Variants in WRN observed in about 807,000 individuals in gnomAD.
WRN encodes the protein bifunctional 3'-5' exonuclease/ATP-dependent helicase WRN.
A neutral mutation model predicts 180.7 loss-of-function variants in WRN; 149 were observed. That is an observed-to-expected ratio of 0.82 (90% confidence interval 0.72 to 0.94). The LOEUF is 0.94. Ranked by LOEUF, WRN falls within the 40% of genes least tolerant of loss-of-function variation. The pLI is 0.00. For missense variants in WRN, 1,661 were observed against 1,700.1 expected (o/e 0.98, Z 0.40); for synonymous variants, 548 against 568.9 (o/e 0.96, Z 0.52).
At chr8:31,090,305 C>G (rs888318122) in intron 13 of WRN, among the ~76,000 whole-genome samples, 160 bp from the exon 14 acceptor site, 4 of 151,104 alleles carry the variant, frequency 2.6e-5, no homozygotes, top group African/African-American at 9.7e-5. Flanking sequence ...GGACATTGGT[C>G]AAATGGCATT....
Position 31,091,907 on chromosome 8 carries a change from T to A in WRN, c.1898+9T>A, listed in dbSNP as rs768918831. ...CTAACAGATATTAAATTGTGAGTAA[T>A]TTTTTTCCCTCAACTTTTATTTTGG... On this transcript the variant is annotated intron_variant, in intron 16 of 34. Transcript: ENST00000298139. 2.5e-6 allele frequency: 4 copies of A among 1,611,024 alleles called. No individual in the cohort carries two copies. In the South Asian group the frequency reaches 4.4e-5, roughly 18 times the overall value.
In WRN at chr8:31,102,987, G is replaced by A. The variant is rs138336665; in HGVS notation, c.2088+2032G>A. Among the ~76,000 whole-genome samples, 4 of 151,880 alleles carry A rather than the reference G, an allele frequency of 2.6e-5. No homozygotes were observed. The East Asian group carries it at 7.7e-4, about 29-fold the overall frequency. ...CTTCCTTGATTAATGCATTCCATAA[G>A]GCTTTATTTTAAAATTTTATTATTT... On this transcript the variant is annotated intron_variant, in intron 18 of 34. Transcript: ENST00000298139.
At chr8:31,097,633 G>T (rs1814043056) in intron 17 of WRN, among the ~76,000 whole-genome samples, 1 of 151,952 alleles carries the variant, frequency 6.6e-6, no homozygotes, top group Non-Finnish European at 1.5e-5. Context: ...TAAAAAATTG[G>T]CCGAGCCTGG....
At chr8:31,138,900 A>G (rs6990131) in intron 24 of WRN, among the ~76,000 whole-genome samples, 78,490 of 151,960 alleles carry the variant, frequency 0.52, 20,864 homozygotes, top group South Asian at 0.69. Flanking sequence ...ATTTCATCCT[A>G]GCTTCCTTTT....
At chr8:31,149,134 C>G (rs879405945) in intron 30 of WRN, among the ~76,000 whole-genome samples, 50 of 152,238 alleles carry the variant, frequency 3.3e-4, no homozygotes, top group Middle Eastern at 3.4e-3. Context: ...CTGTGGCTCA[C>G]GCTTGTAAAT....
chr8:31,173,032 G>T lies in WRN; in HGVS notation c.4229G>T (p.Trp1410Leu), dbSNP rs780718250. The T allele has an allele frequency of 3.7e-6, 6 of 1,613,926 alleles. No homozygotes were observed. The Admixed American group carries it at 6.7e-5, about 18-fold the overall frequency. Residue 1410 changes from tryptophan to leucine, a missense_variant, in exon 35 of 35, where the codon TGG becomes TTG. By Grantham distance (61) the Trp-to-Leu change is moderately conservative (BLOSUM62 -2). Around this residue, in one of 3 missense-constraint regions of WRN, gnomAD observed 1,141 missense variants for 1,149.4 expected, o/e 0.99. Transcript: ENST00000298139. ...GAGAGAAAGAGACGATTACCTGTGT[G>T]GTTTGCCAAAGGAAGTGATACCAGC... ...SAERKRRLPV[W>L]FAKGSDTSKK...
rs1803284164 is a variant in WRN, at chr8:31,154,365, A to G, written c.3688-259A>G. 2.6e-5 allele frequency among the ~76,000 whole-genome samples: 4 copies of G among 152,052 alleles called. No homozygotes were observed. In the South Asian group the frequency reaches 8.3e-4, roughly 32 times the overall value. On this transcript the variant is annotated intron_variant, in intron 31 of 34. Transcript: ENST00000298139. ...ATAGTTCCTTTTTTTAGTCCTTCTT[A>G]TTCGTTAAAGAAAAGACTAGGAAAT...
chr8:31,120,843 C>T (rs888170059), intron 21 of WRN, among the ~76,000 whole-genome samples: 1 of 152,006 alleles, frequency 6.6e-6, no homozygotes, highest in African/African-American at 2.4e-5. Flanking sequence ...TCTTCCCATG[C>T]TACAGTGGTG....
At chr8:31,062,745 CAG>C (rs918123891) in intron 3 of WRN, among the ~76,000 whole-genome samples, 2 of 152,082 alleles carry the variant, frequency 1.3e-5, no homozygotes, top group African/African-American at 4.8e-5. Context: ...AGAAATGAAA[CAG>C]TAAAATACAG....
At chr8:31,139,669 T>G (rs1802530299) in intron 24 of WRN, among the ~76,000 whole-genome samples, 1 of 152,236 alleles carries the variant, frequency 6.6e-6, no homozygotes, top group Admixed American at 6.5e-5. Context: ...TGCCTGTTGA[T>G]ACTTACGAAG....
At chr8:31,097,004 A>G (rs1435149964) in intron 17 of WRN, among the ~76,000 whole-genome samples, 154 bp downstream of exon 17, 2 of 152,194 alleles carry the variant, frequency 1.3e-5, no homozygotes, top group African/African-American at 4.8e-5. Context: ...TGTTTCACCT[A>G]TCTTATCCCA....
At chr8:31,048,533 T>A (rs2725341) in intron 1 of WRN, among the ~76,000 whole-genome samples, 121,867 of 152,164 alleles carry the variant, frequency 0.8, 48,874 homozygotes, top group East Asian at 0.9. Context: ...ATATATATGC[T>A]TGTGTGTGTA....
intron 17 of WRN, among the ~76,000 whole-genome samples, chr8:31,099,361 G>A (rs1184803622): frequency 6.8e-6 from 1 of 147,502 alleles, no homozygotes; most frequent in African/African-American, 2.6e-5. Flanking sequence ...CCGAGATTGC[G>A]CCACTGCACT....
intron 30 of WRN, among the ~76,000 whole-genome samples, chr8:31,148,768 C>G (rs1802970012): frequency 6.6e-6 from 1 of 152,194 alleles, no homozygotes. Flanking sequence ...GTAGCACTTA[C>G]CACACAATGC....
chr8:31,116,359 A>C lies in WRN; in HGVS notation c.2279A>C (p.His760Pro), dbSNP rs1801516310. The C allele has an allele frequency of 6.2e-7, 1 of 1,613,800 alleles. No individual in the cohort carries two copies. The change falls in exon 20 of 35, where the codon CAC becomes CCC. Residue 760 changes from histidine (H) to proline (P), a missense_variant. Coordinates refer to ENST00000298139, the MANE Select transcript of WRN (RefSeq NM_000553.6). The stretch of plus-strand genomic sequence containing the variant: ...TTGTTCTTCTTTTTCTTTAGTTCCC[A>C]CTGGGAATTTGAAGGTCCAACAATC... ...LQPFLVKTSS[H>P]WEFEGPTIIY...
rs1802224447 is a variant in WRN, at chr8:31,132,519, C to A, written c.2967+13C>A. 3 of 1,614,066 alleles carry A rather than the reference C, an allele frequency of 1.9e-6. No homozygotes were observed. The highest frequency in any genetic ancestry group is 1.7e-5 in the Admixed American group (1 of 60,022). On this transcript the variant is annotated intron_variant, in intron 24 of 34. Transcript: ENST00000298139. ...TCTCCGAGGATCTGTAAGTATATATCTGTGAATTCCCTTCATAGATCTTCT... is the reference window on the plus strand; with the variant it reads ...TCTCCGAGGATCTGTAAGTATATATATGTGAATTCCCTTCATAGATCTTCT...
intron 1 of WRN, among the ~76,000 whole-genome samples, chr8:31,037,122 T>C (rs1811479015): frequency 6.6e-6 from 1 of 152,208 alleles, no homozygotes; most frequent in Non-Finnish European, 1.5e-5. Flanking sequence ...GTAGAATCAC[T>C]GGGAGCCCTG....
rs1199182298 is a variant in WRN, at chr8:31,173,469, T to C, written c.*367T>C. 1 of 215,112 alleles carries C rather than the reference T, an allele frequency of 4.6e-6. No individual in the cohort carries two copies. The highest frequency in any genetic ancestry group is 9.4e-6 in the Non-Finnish European group (1 of 105,932). 13.3% of individuals were successfully genotyped at this position (215,112 alleles called of 1,614,324 possible). A position where few individuals can be genotyped will look rare whatever the true frequency, so the allele number is the denominator to read the frequency against. On this transcript the variant is annotated 3_prime_UTR_variant, in exon 35 of 35. Transcript: ENST00000298139. ...GTAGTTACATGGTAATTATGTGATATAAAATATTCATATATTATCAAAATT... is the reference window on the plus strand; with the variant it reads ...GTAGTTACATGGTAATTATGTGATACAAAATATTCATATATTATCAAAATT...
chr8:31,131,160 C>CTTTTTTTTTTTTTTT (rs71206302), intron 23 of WRN, among the ~76,000 whole-genome samples: 39,631 of 105,870 alleles, frequency 0.37, 8,538 homozygotes, highest in East Asian at 0.55. Flanking sequence ...TTGCAACTTT[C>CTTTTTTTTTTTTTTT]TTTTTTTTTG....
Sources: allele counts gnomAD v4.1 joint callset (sites outside exome capture counted in the v4.1 genomes callset), GRCh38; gene constraint gnomAD v4.1.1; regional missense constraint gnomAD v4.1.1; transcripts MANE v1.5; gene names NCBI Gene and HGNC (gene_info 2026-07-23, HGNC 2026-07-21).